The following LHFPL2 variants were observed in gnomAD, a reference collection of about 807,000 sequenced individuals.
LHFPL2 encodes the protein LHFPL tetraspan subfamily member 2 protein.
In LHFPL2, 7 loss-of-function variants were observed where a neutral mutation model predicts 17.5. The observed-to-expected ratio is 0.40, with a 90% CI of 0.23 to 0.75. The LOEUF (loss-of-function observed/expected upper bound fraction) is 0.75, where lower values mean the gene tolerates loss of function less well. Among genes scored for constraint, LHFPL2 ranks in the 30% least tolerant of loss-of-function variants. LHFPL2 has a pLI of 0.37. For missense variants in LHFPL2, 241 were observed against 294.8 expected (o/e 0.82, Z 1.34); for synonymous variants, 134 against 116.2 (o/e 1.15, Z -0.99).
chr5:78,520,678 G>A (rs986119680), intron 3 of LHFPL2, among the ~76,000 whole-genome samples: 1 of 152,098 alleles, frequency 6.6e-6, no homozygotes, highest in Non-Finnish European at 1.5e-5. Context: ...AATGGCCCTG[G>A]CCAAGGGTGG....
intron 2 of LHFPL2, among the ~76,000 whole-genome samples, chr5:78,575,943 G>C (rs1757120039): frequency 6.6e-6 from 1 of 152,152 alleles, no homozygotes; most frequent in Non-Finnish European, 1.5e-5. Context: ...ACCTATGCTG[G>C]AGCGCAGTGG....
intron 2 of LHFPL2, among the ~76,000 whole-genome samples, chr5:78,618,856 C>T (rs1744723480): frequency 6.6e-6 from 1 of 152,124 alleles, no homozygotes. Context: ...GGACTCGGAG[C>T]CTGAGAAGAA....
chr5:78,586,113 G>A (rs900575160), intron 2 of LHFPL2, among the ~76,000 whole-genome samples: 2 of 152,174 alleles, frequency 1.3e-5, no homozygotes, highest in African/African-American at 4.8e-5. Flanking sequence ...GAAATGTAAT[G>A]AACTAATCAA....
At chr5:78,582,679 A>T (rs903719308) in intron 2 of LHFPL2, among the ~76,000 whole-genome samples, 1 of 152,152 alleles carries the variant, frequency 6.6e-6, no homozygotes, top group Non-Finnish European at 1.5e-5. Flanking sequence ...GTTCTTTTAC[A>T]GTTGCTGAGG....
intron 1 of LHFPL2, among the ~76,000 whole-genome samples, chr5:78,634,187 T>C (rs1415124071): frequency 6.6e-6 from 1 of 152,208 alleles, no homozygotes; most frequent in African/African-American, 2.4e-5. Flanking sequence ...TTATAGCTCT[T>C]GCTTTCTTTA....
At chr5:78,521,936 A>G (rs1045526503) in intron 3 of LHFPL2, among the ~76,000 whole-genome samples, 6 of 152,186 alleles carry the variant, frequency 3.9e-5, no homozygotes, top group Non-Finnish European at 4.4e-5. Flanking sequence ...TGCTGTGTGC[A>G]GATACGACCC....
Position 78,488,962 on chromosome 5 carries a change from C to A in LHFPL2, c.622G>T (p.Ala208Ser). The change falls in exon 5 of 5, where the codon GCA becomes TCA. Residue 208 changes from alanine (A) to serine (S), a missense_variant. By Grantham distance (99) the Ala-to-Ser change is moderately conservative (BLOSUM62 1). Coordinates refer to ENST00000380345, the MANE Select transcript of LHFPL2 (RefSeq NM_005779.3). The part of the protein sequence containing the change: ...CAVFSAQAEI[A>S]TSSDKVQEEI... Reference sequence around the variant, plus strand: ...TCCTGTACTTTGTCACTAGAGGTTGCAATTTCTGCTTGTGCAGAGAAGACA... The same window carrying A: ...TCCTGTACTTTGTCACTAGAGGTTGAAATTTCTGCTTGTGCAGAGAAGACA... 2 of 1,614,160 alleles carry A rather than the reference C, an allele frequency of 1.2e-6. No homozygotes were observed. The highest frequency in any genetic ancestry group is 1.7e-6 in the Non-Finnish European group (2 of 1,180,016).
At chr5:78,569,434 T>A (rs928570077) in intron 2 of LHFPL2, among the ~76,000 whole-genome samples, 3 of 152,228 alleles carry the variant, frequency 2.0e-5, no homozygotes, top group African/African-American at 7.2e-5. Context: ...GCACTCCCCA[T>A]TTCTGCAGCC....
chr5:78,526,701 C>A (rs1274564857), intron 3 of LHFPL2, among the ~76,000 whole-genome samples: 1 of 152,198 alleles, frequency 6.6e-6, no homozygotes. Flanking sequence ...CACACAAAAA[C>A]CCAGTGGAGG....
intron 3 of LHFPL2, among the ~76,000 whole-genome samples, chr5:78,563,260 T>C (rs1413358890): frequency 6.6e-6 from 1 of 152,232 alleles, no homozygotes; most frequent in Non-Finnish European, 1.5e-5. Context: ...AACAGGTTTA[T>C]GAGCAACTGG....
chr5:78,619,894 C>G (rs1203750604), intron 2 of LHFPL2, among the ~76,000 whole-genome samples: 1 of 63,502 alleles, frequency 1.6e-5, no homozygotes, highest in African/African-American at 6.2e-5. Context: ...TTTTCTTAAT[C>G]CAGTCTATCA....
intron 3 of LHFPL2, among the ~76,000 whole-genome samples, chr5:78,548,658 G>A (rs775618624): frequency 6.6e-6 from 1 of 152,230 alleles, no homozygotes; most frequent in Non-Finnish European, 1.5e-5. Flanking sequence ...TTGGAAAGCT[G>A]TTGCTGGGGG....
intron 3 of LHFPL2, among the ~76,000 whole-genome samples, chr5:78,542,379 G>A (rs143806064): frequency 1.2e-3 from 176 of 152,186 alleles, no homozygotes; most frequent in African/African-American, 3.7e-3. Flanking sequence ...CCCCTTTGTC[G>A]AATCCACAAG....
intron 3 of LHFPL2, among the ~76,000 whole-genome samples, chr5:78,537,739 ACT>A (rs1206725053): frequency 6.6e-6 from 1 of 152,062 alleles, no homozygotes; most frequent in African/African-American, 2.4e-5. Context: ...TAATCAGTTA[ACT>A]CTCCCTTTAT....
chr5:78,559,333 G>T (rs1756663021), intron 3 of LHFPL2, among the ~76,000 whole-genome samples: 1 of 152,160 alleles, frequency 6.6e-6, no homozygotes, highest in Non-Finnish European at 1.5e-5. Flanking sequence ...GCACTGTGCT[G>T]GATAGTCTAT....
chr5:78,640,288 A>G (rs1004801025), intron 1 of LHFPL2, among the ~76,000 whole-genome samples: 2 of 152,230 alleles, frequency 1.3e-5, no homozygotes, highest in African/African-American at 2.4e-5. Context: ...TACAACAGAA[A>G]CACCTCTCAA....
chr5:78,601,146 A>G (rs1743997361), intron 2 of LHFPL2, among the ~76,000 whole-genome samples: 1 of 152,240 alleles, frequency 6.6e-6, no homozygotes, highest in Admixed American at 6.5e-5. Context: ...TGAAAACACA[A>G]TAAAGTAGAA....
intron 2 of LHFPL2, among the ~76,000 whole-genome samples, chr5:78,610,425 G>A (rs75850116): frequency 0.022 from 3,326 of 152,300 alleles, 117 homozygotes; most frequent in African/African-American, 0.077. Context: ...TGGGCCCCCA[G>A]GAGAGACTCG....
intron 2 of LHFPL2, among the ~76,000 whole-genome samples, chr5:78,582,987 A>G (rs1295664855): frequency 1.3e-5 from 2 of 152,174 alleles, no homozygotes; most frequent in Non-Finnish European, 2.9e-5. Context: ...GGGTGCATAT[A>G]TATTTAGGAC....
Sources: gnomAD v4.1 joint callset for allele counts (sites outside exome capture counted in the v4.1 genomes callset) on GRCh38, gnomAD v4.1.1 for gene constraint, MANE v1.5 for transcripts, NCBI Gene and HGNC (gene_info 2026-07-23, HGNC 2026-07-21) for gene names.